FANK1: variants seen among roughly 807,000 people sequenced by gnomAD.
FANK1 encodes fibronectin type III and ankyrin repeat domains 1, also known as fibronectin type 3 and ankyrin repeat domains protein 1.
A neutral mutation model predicts 45.3 loss-of-function variants in FANK1; 44 were observed. That is an observed-to-expected ratio of 0.97 (90% confidence interval 0.76 to 1.25). FANK1 has a LOEUF of 1.25. FANK1 is among the 50% of genes most tolerant of loss of function. FANK1 has a pLI of 0.00. For missense variants in FANK1, 391 were observed against 424.4 expected (o/e 0.92, Z 0.69); for synonymous variants, 149 against 152.5 (o/e 0.98, Z 0.17).
intron 1 of FANK1, among the ~76,000 whole-genome samples, chr10:125,937,112 ATGTT>A (rs1289879576): frequency 1.3e-5 from 2 of 152,156 alleles, no homozygotes; most frequent in African/African-American, 2.4e-5. Context: ...ATTCTAGTAC[ATGTT>A]TGTTGGTAAA....
intron 1 of FANK1, among the ~76,000 whole-genome samples, chr10:125,943,823 A>G (rs920687048): frequency 5.3e-5 from 8 of 152,260 alleles, no homozygotes; most frequent in South Asian, 4.1e-4. Context: ...AAATTCAAGA[A>G]GAACGTGTAA....
At chr10:125,952,210 G>A (rs1241416695) in intron 1 of FANK1, among the ~76,000 whole-genome samples, 1 of 151,642 alleles carries the variant, frequency 6.6e-6, no homozygotes, top group Non-Finnish European at 1.5e-5. Flanking sequence ...AAAAAAAAAA[G>A]CGTGGTGTGT....
rs757243785 is a variant in FANK1, at chr10:126,009,252, GT to G, written c.963del (p.Phe321LeufsTer6). On this transcript the variant is annotated frameshift_variant, in exon 10 of 11. Coordinates refer to ENST00000368693, the MANE Select transcript of FANK1 (RefSeq NM_145235.5). LOFTEE classifies it high-confidence loss of function. ...FGKGVLEMAR[V>X]FDRQSVVSLL... ...CAAAGGTGTCCTAGAAATGGCCAGAGTTTTTGACAGACAGGTTGGGATGCTC... is the reference window on the plus strand; with the variant it reads ...CAAAGGTGTCCTAGAAATGGCCAGAGTTTTGACAGACAGGTTGGGATGCTC... 6.2e-7 allele frequency: 1 copy of G among 1,614,174 alleles called. No individual in the cohort carries two copies. Among genetic ancestry groups the G allele is most frequent in the Non-Finnish European group, 8.5e-7 (1 of 1,180,032 alleles).
chr10:125,929,127 A>G (rs1026546631), intron 1 of FANK1, among the ~76,000 whole-genome samples: 4 of 152,248 alleles, frequency 2.6e-5, no homozygotes, highest in Admixed American at 2.6e-4. Flanking sequence ...TATGAGACTC[A>G]CAGAAGAGCC....
chr10:125,917,911 C>T (rs1224209235), intron 1 of FANK1, among the ~76,000 whole-genome samples: 1 of 152,306 alleles, frequency 6.6e-6, no homozygotes, highest in Non-Finnish European at 1.5e-5. Context: ...AGTGAGACCT[C>T]ATCTCTACTT....
intron 1 of FANK1, among the ~76,000 whole-genome samples, chr10:125,948,900 C>T (rs1949004798): frequency 6.8e-6 from 1 of 148,060 alleles, no homozygotes; most frequent in East Asian, 2.0e-4. Context: ...TCCAGCAGCA[C>T]ATCAAAAAGC....
intron 3 of FANK1, chr10:125,989,473 T>C: frequency 1.0e-6 from 1 of 981,070 alleles, no homozygotes; most frequent in Non-Finnish European, 1.6e-6. Flanking sequence ...GGCTTTCAAC[T>C]GTGTCCTTTA....
At chr10:125,987,816 C>T (rs532275100) in intron 2 of FANK1, among the ~76,000 whole-genome samples, 24 of 152,214 alleles carry the variant, frequency 1.6e-4, no homozygotes, top group African/African-American at 4.3e-4. Context: ...TTAGCACTTG[C>T]GCTAGGTCCC....
At chr10:125,906,322 C>A (rs989496370) in intron 1 of FANK1, among the ~76,000 whole-genome samples, 1 of 151,888 alleles carries the variant, frequency 6.6e-6, no homozygotes, top group African/African-American at 2.4e-5. Flanking sequence ...TTGAGACCAC[C>A]CTGGCCAACA....
intron 1 of FANK1, among the ~76,000 whole-genome samples, chr10:125,958,068 C>T (rs1283991747): frequency 6.6e-6 from 1 of 152,018 alleles, no homozygotes; most frequent in East Asian, 1.9e-4. Context: ...ATTAAATATT[C>T]TCTTTCTAGC....
intron 2 of FANK1, among the ~76,000 whole-genome samples, chr10:125,981,192 C>A (rs10901492): frequency 0.39 from 59,911 of 152,008 alleles, 11,993 homozygotes; most frequent in South Asian, 0.46. Flanking sequence ...TGGCATGAAC[C>A]AATACCACCA....
chr10:125,901,520 C>T (rs1424329067), intron 1 of FANK1, among the ~76,000 whole-genome samples: 2 of 152,172 alleles, frequency 1.3e-5, no homozygotes, highest in African/African-American at 4.8e-5. Context: ...ATCTAGCTGC[C>T]TCTTCAAACT....
intron 2 of FANK1, among the ~76,000 whole-genome samples, chr10:125,984,439 T>G (rs1209249697): frequency 6.6e-6 from 1 of 152,182 alleles, no homozygotes. Context: ...GGGCACCTTG[T>G]GTCTCTGAAC....
chr10:125,928,944 T>C (rs1468626594), intron 1 of FANK1, among the ~76,000 whole-genome samples: 1 of 152,250 alleles, frequency 6.6e-6, no homozygotes, highest in Non-Finnish European at 1.5e-5. Flanking sequence ...GTGCAATTTA[T>C]CAGTATTTTC....
chr10:125,990,216 C>T (rs59323309), intron 3 of FANK1, among the ~76,000 whole-genome samples: 2,551 of 152,238 alleles, frequency 0.017, 73 homozygotes, highest in African/African-American at 0.056. Context: ...TTGCGGGCTC[C>T]GAAAGGATGG....
At chr10:125,905,677 G>A (rs1413898123) in intron 1 of FANK1, among the ~76,000 whole-genome samples, 10 of 151,870 alleles carry the variant, frequency 6.6e-5, no homozygotes, top group Non-Finnish European at 1.3e-4. Flanking sequence ...TTGGATTTGG[G>A]AGATAACTCC....
At chr10:126,004,783 T>G in intron 6 of FANK1, 101 bp from the exon 7 acceptor site, 1 of 1,212,082 alleles carries the variant, frequency 8.3e-7, no homozygotes, top group Non-Finnish European at 1.2e-6. Flanking sequence ...GCTTTTCCAC[T>G]CAAGTTAGGA....
intron 1 of FANK1, chr10:125,972,893 A>AACACACACACACACACACAC (rs150851164): frequency 7.0e-6 from 1 of 142,342 alleles, no homozygotes; most frequent in African/African-American, 2.6e-5. Flanking sequence ...ACCTGCCCCC[A>AACACACACACACACACACAC]ACACACACAC....
rs187545168 is a variant in FANK1, at chr10:125,906,367, T to C, written c.13+9712T>C. ...CCCATCTCTATTAAAACTACAAAAA[T>C]CAGCTGGGCATGGTGGTGTGTGCCT... On this transcript the variant is annotated intron_variant, in intron 1 of 10. Coordinates refer to ENST00000368693, the MANE Select transcript of FANK1 (RefSeq NM_145235.5). 2.6e-3 allele frequency among the ~76,000 whole-genome samples: 388 copies of C among 151,584 alleles called. 3 individuals are homozygous for C. The highest frequency in any genetic ancestry group is 0.014 in the Middle Eastern group (4 of 292).
Sources: allele counts gnomAD v4.1 joint callset (sites outside exome capture counted in the v4.1 genomes callset), GRCh38; gene constraint gnomAD v4.1.1; transcripts MANE v1.5; gene names NCBI Gene and HGNC (gene_info 2026-07-23, HGNC 2026-07-21).